The following TMCC1 variants were observed in gnomAD, a reference collection of about 807,000 sequenced individuals.
TMCC1 encodes the protein transmembrane and coiled-coil domain family 1, also known as transmembrane and coiled-coil domains protein 1.
In TMCC1, 15 loss-of-function variants were observed where a neutral mutation model predicts 52.4. The ratio of observed to expected loss-of-function variants is 0.29; its 90% CI spans 0.19 to 0.44. The LOEUF (loss-of-function observed/expected upper bound fraction) is 0.44, where lower values mean the gene tolerates loss of function less well. TMCC1 is among the 20% of genes least tolerant of loss of function. The pLI, the probability that TMCC1 is intolerant of heterozygous loss-of-function variation, is 1.00. For synonymous variants in TMCC1, 279 were observed against 301.9 expected (o/e 0.92, Z 0.79); for missense variants, 503 against 806.0 (o/e 0.62, Z 4.55).
At chr3:129,693,503 A>AT (rs11433105) in intron 4 of TMCC1, among the ~76,000 whole-genome samples, 81,336 of 121,994 alleles carry the variant, frequency 0.67, 31,664 homozygotes, top group Non-Finnish European at 0.86. Context: ...CCAAGATTGA[A>AT]TTTTTTTTTT....
chr3:129,887,556 A>C lies in TMCC1; in HGVS notation c.-435+5938T>G, dbSNP rs1182590570. Reference sequence around the variant, plus strand: ...ACTCCGTCTCTCAAAAAAAAAAAAAAAACAACAAAAAAGAACTTCTAAATG... The same window carrying C: ...ACTCCGTCTCTCAAAAAAAAAAAAACAACAACAAAAAAGAACTTCTAAATG... On this transcript the variant is annotated intron_variant, in intron 1 of 6. Transcript: ENST00000393238. Among the ~76,000 whole-genome samples, 8 of 151,774 alleles carry C rather than the reference A, an allele frequency of 5.3e-5. No individual in the cohort carries two copies. In the East Asian group the frequency reaches 7.7e-4, roughly 15 times the overall value.
At chr3:129,665,872 G>A (rs1041059681) in intron 5 of TMCC1, among the ~76,000 whole-genome samples, 7 of 152,142 alleles carry the variant, frequency 4.6e-5, no homozygotes, top group Admixed American at 2.6e-4. Context: ...CTACTGTGAG[G>A]ATTGGCAAAT....
intron 2 of TMCC1, among the ~76,000 whole-genome samples, chr3:129,870,119 C>A (rs1470106653): frequency 2.0e-5 from 3 of 151,968 alleles, no homozygotes; most frequent in Non-Finnish European, 4.4e-5. Flanking sequence ...TTGAAAAATT[C>A]TCTCAAATAA....
In TMCC1 at chr3:129,721,793, G is replaced by A. The variant is rs376924620; in HGVS notation, c.577-50529C>T. Among the ~76,000 whole-genome samples the A allele has an allele frequency of 5.9e-5, 9 of 151,782 alleles. No individual in the cohort carries two copies. The East Asian group carries it at 7.7e-4, about 13-fold the overall frequency. ...CGTGAGGCTGAGGCAGGAGAATCGC[G>A]TGAACCCAGGAGGCAGAGCTTGCAG... On this transcript the variant is annotated intron_variant, in intron 4 of 6. Transcript: ENST00000393238.
intron 4 of TMCC1, among the ~76,000 whole-genome samples, chr3:129,793,486 A>C (rs997139044): frequency 6.6e-6 from 1 of 152,212 alleles, no homozygotes; most frequent in African/African-American, 2.4e-5. Flanking sequence ...TCAGGGAATG[A>C]ACTGTGACAC....
chr3:129,687,693 A>G (rs1349581331), intron 4 of TMCC1, among the ~76,000 whole-genome samples: 1 of 152,222 alleles, frequency 6.6e-6, no homozygotes, highest in Non-Finnish European at 1.5e-5. Context: ...TCAAACAGCA[A>G]TGACAATGAA....
chr3:129,826,279 A>G (rs1328545207), intron 4 of TMCC1, among the ~76,000 whole-genome samples: 1 of 151,000 alleles, frequency 6.6e-6, no homozygotes, highest in East Asian at 1.9e-4. Context: ...AGGTGGATGG[A>G]TCACTTGAAC....
intron 5 of TMCC1, among the ~76,000 whole-genome samples, chr3:129,667,492 A>G (rs2087563097): frequency 6.6e-6 from 1 of 152,156 alleles, no homozygotes; most frequent in South Asian, 2.1e-4. Context: ...TAAAACTGAA[A>G]TGGGAAAACA....
rs2060907449 is a variant in TMCC1 at position 129,871,097 on chromosome 3, A to G, written c.-184+9212T>C. Among the ~76,000 whole-genome samples the G allele has an allele frequency of 2.0e-5, 3 of 152,000 alleles. No individual in the cohort carries two copies. In the South Asian group the frequency reaches 6.2e-4, roughly 32 times the overall value. ...ATCTTGCCTGGGCGCGGTGGCTCAC[A>G]CCTGTAATCCCAGCACTTTGGAAAG... On this transcript the variant is annotated intron_variant, in intron 2 of 6. Transcript: ENST00000393238.
At chr3:129,803,361 A>G (rs964825716) in intron 4 of TMCC1, among the ~76,000 whole-genome samples, 1 of 152,236 alleles carries the variant, frequency 6.6e-6, no homozygotes, top group African/African-American at 2.4e-5. Context: ...GGTAGAAGGA[A>G]AGGAAGAGTT....
At chr3:129,760,487 TG>T (rs1560353168) in intron 4 of TMCC1, among the ~76,000 whole-genome samples, 4 of 150,672 alleles carry the variant, frequency 2.7e-5, no homozygotes, top group Admixed American at 1.3e-4. Flanking sequence ...TGTGTGTGTG[TG>T]TGTGTGTTTT....
Position 129,725,975 on chromosome 3 carries a change from A to G in TMCC1, c.577-54711T>C, listed in dbSNP as rs78186870. Among the ~76,000 whole-genome samples, 5 of 152,308 alleles carry G rather than the reference A, an allele frequency of 3.3e-5. No homozygotes were observed. In the East Asian group the frequency reaches 9.6e-4, roughly 29 times the overall value. ...ATTTGTACCCAAAAACCTAAAGATA[A>G]TCATTCTATGAACCAGGATAGGAAT... On this transcript the variant is annotated intron_variant, in intron 4 of 6. Transcript: ENST00000393238.
At chr3:129,880,260 C>G (rs2061401484) in intron 2 of TMCC1, 49 bp downstream of exon 2, 1 of 152,110 alleles carries the variant, frequency 6.6e-6, no homozygotes, top group African/African-American at 2.4e-5. Context: ...TTATACTGTT[C>G]TGAGTGCCTG....
rs187255965 is a variant in TMCC1 at position 129,776,938 on chromosome 3, G to C, written c.576+50865C>G. 8.0e-4 allele frequency among the ~76,000 whole-genome samples: 122 copies of C among 152,244 alleles called. 2 individuals carry two copies. The South Asian group carries it at 0.012, about 15-fold the overall frequency. On this transcript the variant is annotated intron_variant, in intron 4 of 6. Transcript: ENST00000393238. ...GCATAAGCTACTGTACCCAACCTGA[G>C]TATTCTTCATTAAAAAGGCAGCTTG...
At chr3:129,688,228 C>T (rs1298396104) in intron 4 of TMCC1, 1 of 984,602 alleles carries the variant, frequency 1.0e-6, no homozygotes, top group Non-Finnish European at 1.2e-6. Context: ...AAAGCTCATC[C>T]TTCATTTGTG....
At position 129,828,372 on chromosome 3, in the gene TMCC1, G is replaced by C. The variant is rs772705375; in HGVS notation, c.7C>G (p.Pro3Ala). The change falls in exon 4 of 7, where the codon CCT (proline) becomes GCT (alanine). Residue 3 changes from proline to alanine, a missense_variant. This residue lies in a region of TMCC1 where 217 missense variants were observed against 297.9 expected (regional missense o/e 0.73). Coordinates refer to ENST00000393238, the MANE Select transcript of TMCC1 (RefSeq NM_001017395.5). This position sits in a 1 kb window ranked among gnomAD's most constrained non-coding sequence, Gnocchi z 4.1. Reference sequence around the variant, plus strand: ...TCAAATAACTGTTCACTGCCCGAAGGCTCCATCAGTAGACTTAATATGCTT... The same window carrying C: ...TCAAATAACTGTTCACTGCCCGAAGCCTCCATCAGTAGACTTAATATGCTT... ME[P>A]SGSEQLFEDP... The C allele has an allele frequency of 8.7e-6, 14 of 1,613,230 alleles. No homozygotes were observed. Among genetic ancestry groups the C allele is most frequent in the Admixed American group, 5.0e-5 (3 of 59,912 alleles).
rs1232812223 is a variant in TMCC1 at position 129,650,092 on chromosome 3, C to T, written c.*1389G>A. 1 of 152,462 alleles carries T rather than the reference C, an allele frequency of 6.6e-6. No homozygotes were observed. Among genetic ancestry groups the T allele is most frequent in the African/African-American group, 2.4e-5 (1 of 41,364 alleles). The allele number at this position is 152,462 out of a possible 1,614,324, so 9.4% of individuals were successfully genotyped here. On this transcript the variant is annotated 3_prime_UTR_variant, in exon 7 of 7. Coordinates refer to ENST00000393238, the MANE Select transcript of TMCC1 (RefSeq NM_001017395.5). ...ATTCTCTTAGGCAGACAGAATAAAG[C>T]TTTGAAATTAAGAATGCTGGGGCCA...
Position 129,671,060 on chromosome 3 carries a change from C to A in TMCC1, c.781G>T (p.Glu261Ter). The A allele has an allele frequency of 6.2e-7, 1 of 1,614,212 alleles. No individual in the cohort carries two copies. Among genetic ancestry groups the A allele is most frequent in the Non-Finnish European group, 8.5e-7 (1 of 1,180,044 alleles). ...AQTARDDNVA[E>*]YLKLANSADK... ...GCACTGTTGGCAAGCTTCAAGTATT[C>A]AGCAACGTTGTCGTCCCGGGCTGTT... is the stretch of plus-strand genomic sequence containing the variant. Residue 261 changes from glutamate (E) to a stop codon, truncating the protein, a stop_gained, in exon 5 of 7, where the codon GAA becomes TAA. Transcript: ENST00000393238. LOFTEE classifies it high-confidence loss of function.
At chr3:129,719,458 G>A (rs2049387274) in intron 4 of TMCC1, among the ~76,000 whole-genome samples, 1 of 152,166 alleles carries the variant, frequency 6.6e-6, no homozygotes, top group South Asian at 2.1e-4. Context: ...CTGAATCCAA[G>A]GAGGGGGCTG....
Sources: gnomAD v4.1 joint callset for allele counts (sites outside exome capture counted in the v4.1 genomes callset) on GRCh38, gnomAD v4.1.1 for gene constraint, gnomAD v4.1.1 regional missense constraint, Gnocchi (gnomAD v3.1) non-coding constraint, MANE v1.5 for transcripts, NCBI Gene and HGNC (gene_info 2026-07-23, HGNC 2026-07-21) for gene names.